The following EXTL3 variants were observed in gnomAD, a reference collection of about 807,000 sequenced individuals.
EXTL3 encodes the protein exostosin-like 3.
Under a neutral mutation model 69.3 loss-of-function variants are expected in EXTL3, and 27 were observed. The ratio of observed to expected loss-of-function variants is 0.39; its 90% CI spans 0.29 to 0.54. The LOEUF is 0.54. Ranked by LOEUF, EXTL3 falls within the 20% of genes least tolerant of loss-of-function variation. The pLI, the probability that EXTL3 is intolerant of heterozygous loss-of-function variation, is 0.69. For missense variants in EXTL3, 1,003 were observed against 1,231.8 expected (o/e 0.81, Z 2.78); for synonymous variants, 511 against 499.4 (o/e 1.02, Z -0.31).
At chr8:28,643,025 C>A (rs1806768846) in intron 1 of EXTL3, among the ~76,000 whole-genome samples, 2 of 152,088 alleles carry the variant, frequency 1.3e-5, no homozygotes, top group Admixed American at 1.3e-4. Flanking sequence ...AGATGGATCA[C>A]CTGAGGGCAG....
chr8:28,734,482 C>A (rs1480338819), intron 4 of EXTL3, among the ~76,000 whole-genome samples: 2 of 152,176 alleles, frequency 1.3e-5, no homozygotes, highest in Non-Finnish European at 2.9e-5. Context: ...GAGGCCAAGG[C>A]AGGTGGATCA....
rs759701104 is a variant in EXTL3 at position 28,717,799 on chromosome 8, G to A, written c.1740G>A (p.Thr580=). 9.9e-6 allele frequency: 16 copies of A among 1,613,076 alleles called. No homozygotes were observed. The highest frequency in any genetic ancestry group is 1.3e-5 in the Non-Finnish European group (15 of 1,179,216). Residue 580 remains threonine (T), a synonymous_variant, in exon 3 of 7, where the codon ACG becomes ACA. Coordinates refer to ENST00000220562, the MANE Select transcript of EXTL3 (RefSeq NM_001440.4). This position sits in a 1 kb window ranked among gnomAD's most constrained non-coding sequence, Gnocchi z 8.3. ...ACCTGGACCTGGGGCCAGTGGAGAC[G>A]GAGCCGCCCTACGCCTCACCCAGAT... ...NGDLDLGPVE[T]EPPYASPRYL...
chr8:28,651,670 T>C (rs965534828), intron 1 of EXTL3, among the ~76,000 whole-genome samples: 3 of 152,184 alleles, frequency 2.0e-5, no homozygotes, highest in Admixed American at 6.5e-5. Flanking sequence ...TTTGCACATA[T>C]TACTTTTCTC....
intron 1 of EXTL3, among the ~76,000 whole-genome samples, chr8:28,653,441 A>C (rs1427350939): frequency 6.6e-6 from 1 of 152,218 alleles, no homozygotes; most frequent in Non-Finnish European, 1.5e-5. Flanking sequence ...TTAAGAAACC[A>C]CTGCCTAATC....
intron 1 of EXTL3, among the ~76,000 whole-genome samples, chr8:28,660,523 C>T (rs937780096): frequency 6.6e-6 from 1 of 152,104 alleles, no homozygotes; most frequent in Non-Finnish European, 1.5e-5. Flanking sequence ...TACACACACT[C>T]CCAATTTTTA....
rs142627053 is a variant in EXTL3, at chr8:28,705,854, A to G, written c.-570+4195A>G. ...AGCCCTTATGAAAATGACGCATCTC[A>G]TTTTAGGAGGGAGAGTGAGAAAGAT... On this transcript the variant is annotated intron_variant, in intron 1 of 6. Transcript: ENST00000220562. 1.3e-3 allele frequency among the ~76,000 whole-genome samples: 192 copies of G among 152,330 alleles called. 1 individual carries two copies. Among genetic ancestry groups the G allele is most frequent in the Non-Finnish European group, 2.1e-3 (145 of 68,030 alleles).
At chr8:28,745,351 G>T (rs1489053788) in intron 6 of EXTL3, among the ~76,000 whole-genome samples, 1 of 152,228 alleles carries the variant, frequency 6.6e-6, no homozygotes, top group Non-Finnish European at 1.5e-5. Flanking sequence ...CTGTTGCCGA[G>T]ACTTCTGCTA....
chr8:28,749,099 G>T (rs1801950251), intron 6 of EXTL3, among the ~76,000 whole-genome samples: 1 of 152,118 alleles, frequency 6.6e-6, no homozygotes, highest in Non-Finnish European at 1.5e-5. Context: ...CATAGGACAC[G>T]CACAGGTAAA....
intron 3 of EXTL3, among the ~76,000 whole-genome samples, chr8:28,730,945 G>T (rs975461984): frequency 6.6e-6 from 1 of 152,298 alleles, no homozygotes; most frequent in Admixed American, 6.5e-5. Flanking sequence ...TCCCTACATC[G>T]TGTTTATTGC....
chr8:28,705,397 A>G (rs186903627), intron 1 of EXTL3, among the ~76,000 whole-genome samples: 1 of 152,252 alleles, frequency 6.6e-6, no homozygotes, highest in East Asian at 1.9e-4. Flanking sequence ...TTCACCCACA[A>G]AGGGTGAAGG....
Position 28,717,737 on chromosome 8 carries a change from G to T in EXTL3, c.1678G>T (p.Ala560Ser), listed in dbSNP as rs756512091. 3.2e-5 allele frequency: 52 copies of T among 1,614,144 alleles called. No homozygotes were observed. The Middle Eastern group carries it at 1.2e-3, about 36-fold the overall frequency. ...TGAGATCCCCCACCGTTCAGGCAAG[G>T]CGGCTGGAACTGACCCCAACATGGC... Reference protein sequence around the residue: ...AAEIPHRSGKAAGTDPNMADN... With the variant: ...AAEIPHRSGKSAGTDPNMADN... The change falls in exon 3 of 7, where the codon GCG (alanine) becomes TCG (serine). Residue 560 changes from alanine to serine, a missense_variant. Physicochemically the swap from Ala to Ser is moderately conservative, Grantham distance 99. Coordinates refer to ENST00000220562, the MANE Select transcript of EXTL3 (RefSeq NM_001440.4). The surrounding 1 kb of genome is among the most constrained non-coding windows in gnomAD (Gnocchi z 8.3).
rs180965173 is a variant in EXTL3, at chr8:28,738,105, A to G, written c.2421+442A>G. 2.6e-3 allele frequency among the ~76,000 whole-genome samples: 399 copies of G among 152,232 alleles called. 1 individual carries two copies. Among genetic ancestry groups the G allele is most frequent in the Non-Finnish European group, 3.9e-3 (263 of 68,008 alleles). On this transcript the variant is annotated intron_variant, in intron 5 of 6. Transcript: ENST00000220562. ...TGTGTGGCTCTGCCAGTTCTTTGTG[A>G]TGCTTTAGTGCTTATTACTTTCACT...
At chr8:28,679,686 G>C (rs555586281) in intron 1 of EXTL3, among the ~76,000 whole-genome samples, 78 of 149,536 alleles carry the variant, frequency 5.2e-4, no homozygotes, top group Non-Finnish European at 9.7e-4. Flanking sequence ...TCATGCCACT[G>C]CATTCCAGCT....
intron 2 of EXTL3, 91 bp downstream of exon 2, chr8:28,713,641 TA>T (rs1456309662): frequency 4.4e-6 from 3 of 679,702 alleles, no homozygotes; most frequent in Non-Finnish European, 8.0e-6. Context: ...AATTTGGTCA[TA>T]AGTGCAAAGA....
At chr8:28,667,925 A>G (rs1807222073) in intron 1 of EXTL3, among the ~76,000 whole-genome samples, 1 of 151,756 alleles carries the variant, frequency 6.6e-6, no homozygotes, top group Non-Finnish European at 1.5e-5. Flanking sequence ...TCATCCCAAC[A>G]CTTTGGGGAA....
intron 1 of EXTL3, among the ~76,000 whole-genome samples, chr8:28,630,020 A>C (rs1432266637): frequency 2.0e-5 from 3 of 152,224 alleles, no homozygotes; most frequent in African/African-American, 7.2e-5. Flanking sequence ...ACGATGATGC[A>C]TAAAGGTAGA....
intron 5 of EXTL3, among the ~76,000 whole-genome samples, chr8:28,739,376 G>A (rs1465106298): frequency 6.6e-6 from 1 of 152,032 alleles, no homozygotes; most frequent in Non-Finnish European, 1.5e-5. Flanking sequence ...GCCCAGGTTG[G>A]AGTGTAATGG....
chr8:28,697,848 A>AC (rs1229108117), upstream of EXTL3: 6 of 151,988 alleles, frequency 3.9e-5, no homozygotes, highest in African/African-American at 9.7e-5. Context: ...AAAAAAAAAA[A>AC]AAACTACATA....
intron 1 of EXTL3, among the ~76,000 whole-genome samples, chr8:28,630,947 T>C (rs1585221784): frequency 6.6e-6 from 1 of 152,330 alleles, no homozygotes; most frequent in African/African-American, 2.4e-5. Flanking sequence ...ACTAGCTGTT[T>C]TTAAAATTAT....
Sources: allele counts gnomAD v4.1 joint callset (sites outside exome capture counted in the v4.1 genomes callset), GRCh38; gene constraint gnomAD v4.1.1; non-coding constraint Gnocchi (gnomAD v3.1); transcripts MANE v1.5; gene names NCBI Gene and HGNC (gene_info 2026-07-23, HGNC 2026-07-21).